Variants in NTM observed in about 807,000 individuals in gnomAD.
NTM encodes IgLON family member 2.
In NTM, 13 loss-of-function variants were observed where a neutral mutation model predicts 42.1. That is an observed-to-expected ratio of 0.31 (90% CI 0.20 to 0.49). NTM has a LOEUF of 0.49. Among genes scored for constraint, NTM ranks in the 20% least tolerant of loss-of-function variants. The probability of loss-of-function intolerance (pLI) is 0.99; values close to 1 mark genes in which losing one functional copy is unlikely to be tolerated. For synonymous variants in NTM, 187 were observed against 179.2 expected, an observed-to-expected ratio of 1.04 and a Z score of -0.35; for missense variants, 373 against 452.8, an observed-to-expected ratio of 0.82 and a Z score of 1.60.
intron 1 of NTM, among the ~76,000 whole-genome samples, chr11:131,542,631 C>T: frequency 6.6e-6 from 1 of 152,180 alleles, no homozygotes; most frequent in East Asian, 1.9e-4. Flanking sequence ...TTAGCACCCA[C>T]ATTTATCAGC....
intron 2 of NTM, among the ~76,000 whole-genome samples, chr11:131,946,794 T>C (rs1208476795): frequency 1.3e-5 from 2 of 152,240 alleles, no homozygotes; most frequent in Non-Finnish European, 2.9e-5. Flanking sequence ...AGAAGAATAA[T>C]ACTCTATTTT....
intron 1 of NTM, among the ~76,000 whole-genome samples, chr11:131,612,169 A>C (rs542030036): frequency 6.6e-6 from 1 of 152,304 alleles, no homozygotes; most frequent in East Asian, 1.9e-4. Context: ...AGCCATGTAC[A>C]TGGGCCACCT....
At chr11:131,467,046 C>T (rs1019526440) in intron 1 of NTM, among the ~76,000 whole-genome samples, 5 of 152,078 alleles carry the variant, frequency 3.3e-5, no homozygotes, top group Admixed American at 1.3e-4. Context: ...AGTTTTCTGG[C>T]GTACAGGGAC....
intron 1 of NTM, among the ~76,000 whole-genome samples, chr11:131,789,530 GAAGAAGAAGAAGAAGAAAAGAAGAAGA>G (rs2090202790): frequency 4.3e-5 from 1 of 23,476 alleles, no homozygotes; most frequent in Non-Finnish European, 7.1e-5. Context: ...AGAAGAAGAA[GAAGAAGAAGAAGAAGAAAAGAAGAAGA>G]AGAAGAAGAA....
rs11822424 is a variant in NTM at position 131,501,797 on chromosome 11, G to T, written c.82+130909G>T. Among the ~76,000 whole-genome samples the T allele has an allele frequency of 8.3e-3, 1,265 of 152,248 alleles. 18 individuals carry two copies. The highest frequency in any genetic ancestry group is 0.028 in the African/African-American group (1,176 of 41,540). Reference sequence around the variant, plus strand: ...ATCACTGGCGATTGCAAGGGTTTTGGCCTGAGCAACTGGTTGGATGGTGAC... The same window carrying T: ...ATCACTGGCGATTGCAAGGGTTTTGTCCTGAGCAACTGGTTGGATGGTGAC... On this transcript the variant is annotated intron_variant, in intron 1 of 8. Coordinates refer to ENST00000683400, the MANE Select transcript of NTM (RefSeq NM_001352005.2).
intron 2 of NTM, among the ~76,000 whole-genome samples, chr11:132,105,152 A>T (rs1276875067): frequency 6.6e-6 from 1 of 150,944 alleles, no homozygotes; most frequent in Non-Finnish European, 1.5e-5. Context: ...CTTTCCTCCC[A>T]GTGGGTGGAA....
chr11:132,229,920 C>T (rs1056193785), intron 4 of NTM, among the ~76,000 whole-genome samples: 10 of 152,220 alleles, frequency 6.6e-5, no homozygotes, highest in African/African-American at 2.2e-4. Flanking sequence ...ACAGTAGCTA[C>T]TTTATCTATT....
chr11:132,057,305 A>T (rs2079856366), intron 2 of NTM, among the ~76,000 whole-genome samples: 1 of 152,090 alleles, frequency 6.6e-6, no homozygotes, highest in African/African-American at 2.4e-5. Flanking sequence ...CTAGAAATGC[A>T]GATATAAATC....
chr11:131,646,311 A>T (rs977659910), intron 1 of NTM, among the ~76,000 whole-genome samples: 1 of 152,216 alleles, frequency 6.6e-6, no homozygotes, highest in African/African-American at 2.4e-5. Flanking sequence ...AAGATCTACT[A>T]CCTGGCCCTT....
intron 2 of NTM, among the ~76,000 whole-genome samples, chr11:131,948,032 T>C (rs548089293): frequency 2.6e-5 from 4 of 152,220 alleles, no homozygotes; most frequent in South Asian, 4.1e-4. Flanking sequence ...CATAAGGCCA[T>C]TGGTGCCCAT....
intron 1 of NTM, among the ~76,000 whole-genome samples, chr11:131,746,573 C>T (rs996467172): frequency 5.9e-5 from 9 of 152,172 alleles, no homozygotes; most frequent in African/African-American, 1.9e-4. Context: ...AAGCATTAAG[C>T]ATGTTGTCTG....
intron 1 of NTM, among the ~76,000 whole-genome samples, chr11:131,429,717 T>G (rs922941844): frequency 1.3e-5 from 2 of 152,136 alleles, no homozygotes; most frequent in Non-Finnish European, 2.9e-5. Flanking sequence ...AAGAATGCAT[T>G]TTTTTCCTGT....
At chr11:131,761,342 C>A (rs980305701) in intron 1 of NTM, among the ~76,000 whole-genome samples, 2 of 152,100 alleles carry the variant, frequency 1.3e-5, no homozygotes, top group Non-Finnish European at 2.9e-5. Context: ...AAATTAAAAC[C>A]CAAGGGTTAC....
intron 1 of NTM, among the ~76,000 whole-genome samples, chr11:131,720,872 G>A (rs1376188289): frequency 1.3e-5 from 2 of 152,184 alleles, no homozygotes; most frequent in East Asian, 3.9e-4. Flanking sequence ...GTAATGATAA[G>A]GACTTACCAG....
intron 1 of NTM, among the ~76,000 whole-genome samples, chr11:131,541,841 C>T (rs191855144): frequency 3.9e-5 from 6 of 152,302 alleles, no homozygotes; most frequent in Admixed American, 2.0e-4. Context: ...GCTCAATTAG[C>T]GTCATTTCCT....
chr11:131,818,061 C>A (rs190954841), intron 1 of NTM, among the ~76,000 whole-genome samples: 3 of 152,122 alleles, frequency 2.0e-5, no homozygotes, highest in Non-Finnish European at 4.4e-5. Context: ...CACACATCAG[C>A]GGCTTTTGGC....
At chr11:131,594,969 A>G (rs1322119141) in intron 1 of NTM, among the ~76,000 whole-genome samples, 1 of 152,192 alleles carries the variant, frequency 6.6e-6, no homozygotes, top group Non-Finnish European at 1.5e-5. Context: ...TCTCTTACTT[A>G]TAAAACTGGT....
intron 8 of NTM, 56 bp from the exon 9 acceptor site, chr11:132,334,990 G>A (rs924858379): frequency 2.5e-5 from 40 of 1,588,744 alleles, no homozygotes; most frequent in Admixed American, 3.4e-5. Context: ...GGCAACCACC[G>A]GGCTTTCCTT....
At chr11:132,099,803 A>G (rs979845618) in intron 2 of NTM, among the ~76,000 whole-genome samples, 4 of 152,202 alleles carry the variant, frequency 2.6e-5, no homozygotes, top group African/African-American at 7.2e-5. Context: ...GCTTTCTCAC[A>G]TAAAAAGCAT....
Sources: allele counts gnomAD v4.1 joint callset (sites outside exome capture counted in the v4.1 genomes callset), GRCh38; gene constraint gnomAD v4.1.1; transcripts MANE v1.5; gene names NCBI Gene and HGNC (gene_info 2026-07-23, HGNC 2026-07-21).